SHMT2: variants seen among roughly 807,000 people sequenced by gnomAD.
SHMT2 encodes serine hydroxymethyltransferase 2, also known as serine hydroxymethyltransferase, mitochondrial.
A neutral mutation model predicts 59.6 loss-of-function variants in SHMT2; 38 were observed. That is an observed-to-expected ratio of 0.64 (90% CI 0.49 to 0.84). The LOEUF is 0.84. Ranked by LOEUF, SHMT2 falls within the 40% of genes least tolerant of loss-of-function variation. SHMT2 has a pLI of 0.00. For synonymous variants in SHMT2, 254 were observed against 258.1 expected, an observed-to-expected ratio of 0.98 and a Z score of 0.15; for missense variants, 533 against 659.5, an observed-to-expected ratio of 0.81 and a Z score of 2.10.
intron 11 of SHMT2, 37 bp from the exon 12 acceptor site, chr12:57,234,197 A>G (rs1357689341): frequency 1.2e-6 from 2 of 1,612,346 alleles, no homozygotes; most frequent in Non-Finnish European, 1.7e-6. Context: ...CCTTCCCTAG[A>G]GCTCTGACCA....
rs1401525851 is a variant in SHMT2 at position 57,230,837 on chromosome 12, C to A, written c.68C>A (p.Ala23Asp). ...AGATGTGGGCAGCTGGTCAGGATGG[C>A]CATTCGGGCTCAGCACAGCAACGCA... is the stretch of plus-strand genomic sequence containing the variant. ...LQRCGQLVRM[A>D]IRAQHSNAAQ... Residue 23 changes from alanine (A) to aspartate (D), a missense_variant, in exon 2 of 12, where the codon GCC becomes GAC. Ala to Asp is a moderately radical substitution (Grantham distance 126). Transcript: ENST00000328923. The A allele has an allele frequency of 1.9e-6, 3 of 1,613,962 alleles. No homozygotes were observed. The highest frequency in any genetic ancestry group is 1.7e-6 in the Non-Finnish European group (2 of 1,180,024).
chr12:57,234,881 CGTGATTA>C lies in SHMT2; in HGVS notation c.*522_*528del, dbSNP rs2037492455. On this transcript the variant is annotated 3_prime_UTR_variant, in exon 12 of 12. Transcript: ENST00000328923. ...GTCTCTGATCAGAGCCGACACCAGA[CGTGATTA>C]GCAGGCGCAGCAAATTCAATTTGTT... 6.4e-6 allele frequency: 1 copy of C among 156,536 alleles called. No homozygotes were observed. Among genetic ancestry groups the C allele is most frequent in the African/African-American group, 2.4e-5 (1 of 41,488 alleles). 9.7% of individuals were successfully genotyped at this position (156,536 alleles called of 1,614,324 possible). A position where few individuals can be genotyped will look rare whatever the true frequency, so the allele number is the denominator to read the frequency against.
Position 57,234,310 on chromosome 12 carries a change from G to A in SHMT2, c.1464G>A (p.Arg488=), listed in dbSNP as rs14201. Residue 488 remains arginine, a synonymous_variant, in exon 12 of 12, where the codon CGG becomes CGA. Coordinates refer to ENST00000328923, the MANE Select transcript of SHMT2 (RefSeq NM_005412.6). ...TSQRLANLRQ[R]VEQFARAFPM... is the part of the protein sequence containing the mutation. ...AGCGTCTGGCCAACCTCAGGCAACG[G>A]GTGGAGCAGTTTGCCAGGGCCTTCC... is the stretch of plus-strand genomic sequence containing the variant. The A allele has an allele frequency of 3.1e-5, 50 of 1,613,184 alleles. No individual in the cohort carries two copies. The South Asian group carries it at 5.2e-4, about 17-fold the overall frequency.
rs2037468810 is a variant in SHMT2 at position 57,234,405 on chromosome 12, T to C, written c.*44T>C. 3 of 1,530,206 alleles carry C rather than the reference T, an allele frequency of 2.0e-6. No homozygotes were observed. In the South Asian group the frequency reaches 3.9e-5, roughly 20 times the overall value. 94.8% of individuals were successfully genotyped at this position (1,530,206 alleles called of 1,614,324 possible). ...GCCCACAGACTCAAAGTTACTCTCC[T>C]TCCCCCTACCTGGGCCAGTGAAATA... is the stretch of plus-strand genomic sequence containing the variant. On this transcript the variant is annotated 3_prime_UTR_variant, in exon 12 of 12. Coordinates refer to ENST00000328923, the MANE Select transcript of SHMT2 (RefSeq NM_005412.6).
In SHMT2 at chr12:57,233,246, T is replaced by A. The variant is rs200583458; in HGVS notation, c.924T>A (p.Pro308=). Residue 308 remains proline (P), a synonymous_variant, in exon 8 of 12, where the codon CCT becomes CCA. Transcript: ENST00000328923. Reference sequence around the variant, plus strand: ...ACCCCAAGACTGGCCGGGAGATCCCTTACACATTTGAGGACCGAATCAACT... The same window carrying A: ...ACCCCAAGACTGGCCGGGAGATCCCATACACATTTGAGGACCGAATCAACT... ...AVDPKTGREI[P]YTFEDRINFA... The A allele has an allele frequency of 1.2e-6, 2 of 1,608,626 alleles. No individual in the cohort carries two copies. The highest frequency in any genetic ancestry group is 1.7e-6 in the Non-Finnish European group (2 of 1,177,114).
intron 1 of SHMT2, 104 bp downstream of exon 1, chr12:57,229,915 A>G (rs2037243178): frequency 4.5e-6 from 7 of 1,544,722 alleles, no homozygotes; most frequent in East Asian, 2.3e-5. Context: ...TTTTCCATGC[A>G]CGTGGATTGG....
intron 2 of SHMT2, 114 bp from the exon 3 acceptor site, chr12:57,231,367 G>A (rs1383105990): frequency 8.9e-7 from 1 of 1,124,260 alleles, no homozygotes; most frequent in East Asian, 2.6e-5. Flanking sequence ...CTGAGTGAAT[G>A]GAGCTTTCTG....
At chr12:57,231,683 T>C (rs2037324662) in intron 3 of SHMT2, 30 bp from the exon 4 acceptor site, 1 of 1,613,382 alleles carries the variant, frequency 6.2e-7, no homozygotes, top group Non-Finnish European at 8.5e-7. Context: ...GTCCTTTCTC[T>C]GTGCCCTCAT....
At chr12:57,230,664 G>A in intron 1 of SHMT2, 139 bp from the exon 2 acceptor site, 1 of 1,465,334 alleles carries the variant, frequency 6.8e-7, no homozygotes, top group African/African-American at 1.4e-5. Context: ...TTTGAAGGTG[G>A]AGGTGGGGGT....
rs1342535267 is a variant in SHMT2, at chr12:57,233,308, A to G, written c.986A>G (p.Asn329Ser). ...VFPSLQGGPHNHAIAAVAVAL... is the reference protein window; with the variant it reads ...VFPSLQGGPHSHAIAAVAVAL... ...CCATCCCTGCAGGGGGGCCCCCACA[A>G]TCATGCCATTGCTGCAGTAGCTGTG... The change falls in exon 8 of 12, where the codon AAT becomes AGT. Residue 329 changes from asparagine to serine, a missense_variant. Transcript: ENST00000328923. 1.9e-6 allele frequency: 3 copies of G among 1,601,408 alleles called. No individual in the cohort carries two copies. The highest frequency in any genetic ancestry group is 2.6e-6 in the Non-Finnish European group (3 of 1,174,790).
At position 57,234,313 on chromosome 12, in the gene SHMT2, G is replaced by A. The variant is rs1592688974; in HGVS notation, c.1467G>A (p.Val489=). Residue 489 remains valine (V), a synonymous_variant, in exon 12 of 12, where the codon GTG becomes GTA. Transcript: ENST00000328923. ...GTCTGGCCAACCTCAGGCAACGGGT[G>A]GAGCAGTTTGCCAGGGCCTTCCCCA... ...SQRLANLRQR[V]EQFARAFPMP... is the part of the protein sequence containing the mutation. The A allele has an allele frequency of 6.2e-7, 1 of 1,613,216 alleles. No individual in the cohort carries two copies.
Position 57,230,361 on chromosome 12 carries a change from T to C in SHMT2, c.34-442T>C, listed in dbSNP as rs930198290. On this transcript the variant is annotated intron_variant, in intron 1 of 11. Coordinates refer to ENST00000328923, the MANE Select transcript of SHMT2 (RefSeq NM_005412.6). ...CTAAAGGTCTCCCCTCCCACCTGCA[T>C]TGCTCTACAATCTGTGGCCTCAGCC... is the stretch of plus-strand genomic sequence containing the variant. The C allele has an allele frequency of 1.3e-5, 15 of 1,143,582 alleles. 1 individual carries two copies. The South Asian group carries it at 1.7e-4, about 13-fold the overall frequency. The allele number at this position is 1,143,582 out of a possible 1,614,324, so 70.8% of individuals were successfully genotyped here. A position where few individuals can be genotyped will look rare whatever the true frequency, so the allele number is the denominator to read the frequency against.
rs1206961908 is a variant in SHMT2, at chr12:57,234,510, A to G, written c.*149A>G. 7.9e-6 allele frequency: 6 copies of G among 761,660 alleles called. No individual in the cohort carries two copies. Among genetic ancestry groups the G allele is most frequent in the African/African-American group, 1.8e-5 (1 of 55,976 alleles). 47.2% of individuals were successfully genotyped at this position (761,660 alleles called of 1,614,324 possible). A position where few individuals can be genotyped will look rare whatever the true frequency, so the allele number is the denominator to read the frequency against. ...GCCAGGTATAGTCTCCCTTCCCAGA[A>G]TTTGTAACTGAGAAGATCTTTTCTT... On this transcript the variant is annotated 3_prime_UTR_variant, in exon 12 of 12. Coordinates refer to ENST00000328923, the MANE Select transcript of SHMT2 (RefSeq NM_005412.6).
At chr12:57,231,115 G>A (rs2037298477) in intron 2 of SHMT2, 115 bp downstream of exon 2, 2 of 1,031,776 alleles carry the variant, frequency 1.9e-6, no homozygotes, top group Non-Finnish European at 2.9e-6. Flanking sequence ...CTTTCTTTGG[G>A]CTTTATCTTC....
At chr12:57,230,485 C>T in intron 1 of SHMT2, 3 of 1,236,256 alleles carry the variant, frequency 2.4e-6, no homozygotes, top group Non-Finnish European at 1.0e-6. Flanking sequence ...GTTCTGGAAT[C>T]TCAGTTGCCC....
At chr12:57,230,733 T>G in intron 1 of SHMT2, 70 bp from the exon 2 acceptor site, 1 of 1,566,388 alleles carries the variant, frequency 6.4e-7, no homozygotes, top group South Asian at 1.2e-5. Flanking sequence ...CTTAGAAGCA[T>G]GAGTGAGGGT....
rs112251410 is a variant in SHMT2, at chr12:57,230,845, G to A, written c.76G>A (p.Ala26Thr). The A allele has an allele frequency of 4.3e-6, 7 of 1,614,128 alleles. No individual in the cohort carries two copies. In the African/African-American group the frequency reaches 5.3e-5, roughly 12 times the overall value. The change falls in exon 2 of 12, where the codon GCT (alanine) becomes ACT (threonine). Residue 26 changes from alanine to threonine, a missense_variant. Coordinates refer to ENST00000328923, the MANE Select transcript of SHMT2 (RefSeq NM_005412.6). ...CGQLVRMAIR[A>T]QHSNAAQTQT... is the part of the protein sequence containing the mutation. ...GCAGCTGGTCAGGATGGCCATTCGG[G>A]CTCAGCACAGCAACGCAGCCCAGAC...
In SHMT2 at chr12:57,231,707, C is replaced by T. The variant is rs373757480; in HGVS notation, c.312-6C>T. 2.1e-4 allele frequency: 331 copies of T among 1,614,034 alleles called. No individual in the cohort carries two copies. In the East Asian group the frequency reaches 5.1e-3, roughly 25 times the overall value. ...CTGTGCCCTCATTACCCCTCTCCCA[C>T]GGCAGATACTATGGGGGAGCAGAGG... On this transcript the variant is annotated splice_polypyrimidine_tract_variant and splice_region_variant and intron_variant, in intron 3 of 11. Transcript: ENST00000328923.
rs531880258 is a variant in SHMT2, at chr12:57,234,025, A to G, written c.1302A>G (p.Arg434=). The G allele has an allele frequency of 3.7e-6, 6 of 1,614,158 alleles. No individual in the cohort carries two copies. The South Asian group carries it at 6.6e-5, about 18-fold the overall frequency. Residue 434 remains arginine, a synonymous_variant, in exon 11 of 12, where the codon CGA becomes CGG. Transcript: ENST00000328923. ...CAGGGGCCCCAGCCTTAACTTCTCG[A>G]CAGTTCCGTGAGGATGACTTCCGGA... The part of the protein sequence containing the change: ...LRLGAPALTS[R]QFREDDFRRV...
Sources: gnomAD v4.1 joint callset for allele counts on GRCh38, gnomAD v4.1.1 for gene constraint, MANE v1.5 for transcripts, NCBI Gene and HGNC (gene_info 2026-07-23, HGNC 2026-07-21) for gene names.